The following ACSL3 variants were observed in gnomAD, a reference collection of about 807,000 sequenced individuals.
The protein encoded by ACSL3 is acyl-CoA synthetase long chain family member 3.
A neutral mutation model predicts 84.7 loss-of-function variants in ACSL3; 34 were observed. The ratio of observed to expected loss-of-function variants is 0.40; its 90% confidence interval spans 0.31 to 0.53. The LOEUF (loss-of-function observed/expected upper bound fraction) is 0.53. Ranked by LOEUF, ACSL3 falls within the 20% of genes least tolerant of loss-of-function variation. The pLI is 0.48. For synonymous variants in ACSL3, 315 were observed against 299.4 expected (o/e 1.05, Z -0.54); for missense variants, 680 against 873.1 (o/e 0.78, Z 2.79).
chr2:222,868,324 A>T (rs1205324008), intron 1 of ACSL3, among the ~76,000 whole-genome samples: 1 of 152,148 alleles, frequency 6.6e-6, no homozygotes, highest in African/African-American at 2.4e-5. Context: ...TCTATGTCTC[A>T]ATTTCTTCAT....
rs766121334 is a variant in ACSL3 at position 222,930,827 on chromosome 2, A to T, written c.1732+15A>T. ...AAAGATTATTGGTAAGTCATCTAAT[A>T]TTTTTTTGAAAATGAATGTTTCTGA... On this transcript the variant is annotated intron_variant, in intron 14 of 16. Transcript: ENST00000357430. The T allele has an allele frequency of 1.0e-5, 16 of 1,576,418 alleles. No individual in the cohort carries two copies. In the Admixed American group the frequency reaches 2.9e-4, roughly 29 times the overall value.
chr2:222,861,925 G>T (rs1695023855), intron 1 of ACSL3, among the ~76,000 whole-genome samples: 1 of 152,130 alleles, frequency 6.6e-6, no homozygotes, highest in Non-Finnish European at 1.5e-5. Flanking sequence ...AGTCCTGTGG[G>T]GTAGGTGTTA....
At chr2:222,884,145 T>C (rs954091477) in intron 1 of ACSL3, among the ~76,000 whole-genome samples, 1 of 152,248 alleles carries the variant, frequency 6.6e-6, no homozygotes, top group Non-Finnish European at 1.5e-5. Context: ...GGATTTTGAA[T>C]TTTTAAATGG....
chr2:222,866,748 C>T, intron 1 of ACSL3, among the ~76,000 whole-genome samples: 1 of 52,422 alleles, frequency 1.9e-5, no homozygotes, highest in Non-Finnish European at 4.1e-5. Flanking sequence ...TGCCCTGCCC[C>T]CCCCGCCCCC....
chr2:222,927,498 G>A (rs1209059841), intron 12 of ACSL3, among the ~76,000 whole-genome samples: 1 of 152,208 alleles, frequency 6.6e-6, no homozygotes, highest in Non-Finnish European at 1.5e-5. Context: ...TCTCACATCA[G>A]TGATTAAATT....
chr2:222,876,715 T>C (rs1695459548), intron 1 of ACSL3, among the ~76,000 whole-genome samples: 1 of 151,952 alleles, frequency 6.6e-6, no homozygotes, highest in African/African-American at 2.4e-5. Context: ...TCATACCCGC[T>C]ATGTATCACA....
At chr2:222,894,574 T>C (rs1695923523) in intron 2 of ACSL3, among the ~76,000 whole-genome samples, 1 of 152,216 alleles carries the variant, frequency 6.6e-6, no homozygotes, top group Admixed American at 6.5e-5. Flanking sequence ...TTATTTTAAT[T>C]AGCAGTTGTG....
At chr2:222,915,251 G>A (rs756114658) in intron 4 of ACSL3, among the ~76,000 whole-genome samples, 2 of 150,462 alleles carry the variant, frequency 1.3e-5, no homozygotes, top group Non-Finnish European at 3.0e-5. Context: ...TGAGAGTTTG[G>A]GACCAGTAAA....
intron 3 of ACSL3, among the ~76,000 whole-genome samples, chr2:222,901,971 A>G (rs1323858720): frequency 7.4e-6 from 1 of 135,718 alleles, no homozygotes; most frequent in Non-Finnish European, 1.6e-5. Flanking sequence ...AAAAGAACTC[A>G]AATATTGTTG....
chr2:222,883,183 T>A (rs1438201729), intron 1 of ACSL3, among the ~76,000 whole-genome samples: 1 of 150,004 alleles, frequency 6.7e-6, no homozygotes, highest in Non-Finnish European at 1.5e-5. Flanking sequence ...TTTTTTTTTC[T>A]TTTTTTCTTT....
intron 12 of ACSL3, among the ~76,000 whole-genome samples, chr2:222,927,990 A>G (rs1018699227): frequency 1.3e-5 from 2 of 152,220 alleles, no homozygotes; most frequent in Non-Finnish European, 2.9e-5. Context: ...AAATACATGC[A>G]TAGGGGATTT....
At chr2:222,886,983 G>A (rs914836449) in intron 1 of ACSL3, among the ~76,000 whole-genome samples, 6 of 152,086 alleles carry the variant, frequency 3.9e-5, no homozygotes, top group African/African-American at 1.4e-4. Context: ...TGTACCCTCC[G>A]CAGGTTTTAA....
intron 1 of ACSL3, among the ~76,000 whole-genome samples, chr2:222,876,302 G>T (rs530856564): frequency 1.6e-4 from 25 of 151,764 alleles, no homozygotes; most frequent in South Asian, 1.3e-3. Flanking sequence ...TTGCTTTATG[G>T]TTTTTTTTGT....
intron 16 of ACSL3, among the ~76,000 whole-genome samples, chr2:222,936,506 A>ATG (rs1287481349): frequency 3.9e-5 from 6 of 151,908 alleles, no homozygotes; most frequent in African/African-American, 1.5e-4. Flanking sequence ...TTTATTAGTT[A>ATG]TGTTGGGCAT....
At chr2:222,911,134 C>A (rs1437901263) in intron 4 of ACSL3, among the ~76,000 whole-genome samples, 4 of 151,498 alleles carry the variant, frequency 2.6e-5, no homozygotes, top group Admixed American at 2.6e-4. Context: ...ACCGCAACGT[C>A]CGCCTTCTGG....
intron 11 of ACSL3, 31 bp downstream of exon 11, chr2:222,924,626 T>C (rs1482474664): frequency 1.9e-6 from 3 of 1,552,922 alleles, no homozygotes; most frequent in African/African-American, 2.8e-5. Context: ...TCCTTCTTTC[T>C]CCTCTTGATA....
intron 3 of ACSL3, among the ~76,000 whole-genome samples, chr2:222,905,994 C>CT (rs1696281955): frequency 6.6e-6 from 1 of 152,056 alleles, no homozygotes; most frequent in Admixed American, 6.5e-5. Context: ...CTGCTGCCTG[C>CT]TTTTCCCTTC....
intron 16 of ACSL3, among the ~76,000 whole-genome samples, chr2:222,937,273 T>G (rs1259963253): frequency 6.6e-6 from 1 of 152,166 alleles, no homozygotes; most frequent in Non-Finnish European, 1.5e-5. Flanking sequence ...TCGTGTTGAT[T>G]TTTTTTATCC....
Position 222,908,910 on chromosome 2 carries a change from G to A in ACSL3, c.138G>A (p.Glu46=), listed in dbSNP as rs780598298. 9.9e-6 allele frequency: 16 copies of A among 1,611,744 alleles called. No homozygotes were observed. Among genetic ancestry groups the A allele is most frequent in the East Asian group, 6.7e-5 (3 of 44,826 alleles). Residue 46 remains glutamate, a synonymous_variant, in exon 4 of 17, where the codon GAG becomes GAA. Coordinates refer to ENST00000357430, the MANE Select transcript of ACSL3 (RefSeq NM_004457.5). ...LTYIPFYFFS[E]SRQEKSNRIK... ...ACATTCCGTTTTATTTTTTCTCCGA[G>A]TCAAGACAAGAAAAATCAAACCGAA...
Sources: allele counts gnomAD v4.1 joint callset (sites outside exome capture counted in the v4.1 genomes callset), GRCh38; gene constraint gnomAD v4.1.1; transcripts MANE v1.5; gene names NCBI Gene and HGNC (gene_info 2026-07-23, HGNC 2026-07-21).